The following MYLK4 variants were observed in gnomAD, a reference collection of about 807,000 sequenced individuals.
The protein encoded by MYLK4 is myosin light chain kinase family member 4.
In MYLK4, 46 loss-of-function variants were observed where a neutral mutation model predicts 48.1. The ratio of observed to expected loss-of-function variants is 0.96; its 90% CI spans 0.75 to 1.22. The LOEUF is 1.22. MYLK4 is among the 50% of genes most tolerant of loss of function. MYLK4 has a pLI of 0.00. For synonymous variants in MYLK4, 170 were observed against 180.8 expected (o/e 0.94, Z 0.48); for missense variants, 451 against 486.1 (o/e 0.93, Z 0.68).
At chr6:2,684,497 C>T (rs1024017522) in intron 6 of MYLK4, among the ~76,000 whole-genome samples, 15 of 152,252 alleles carry the variant, frequency 9.9e-5, no homozygotes, top group African/African-American at 2.2e-4. Context: ...AAAAACAAAA[C>T]GGAATCACAA....
intron 2 of MYLK4, among the ~76,000 whole-genome samples, chr6:2,746,908 C>T (rs905150735): frequency 3.9e-5 from 6 of 152,220 alleles, no homozygotes; most frequent in Non-Finnish European, 4.4e-5. Context: ...TGCTGGCTGC[C>T]CTGGCACCCA....
intron 2 of MYLK4, among the ~76,000 whole-genome samples, chr6:2,721,671 A>G (rs7451089): frequency 0.23 from 34,337 of 152,042 alleles, 4,692 homozygotes; most frequent in African/African-American, 0.38. Context: ...TACCAACCTA[A>G]AGTGGTTTTG....
chr6:2,694,110 T>A (rs944550864), intron 2 of MYLK4, among the ~76,000 whole-genome samples: 1 of 152,160 alleles, frequency 6.6e-6, no homozygotes, highest in Non-Finnish European at 1.5e-5. Flanking sequence ...TTCAGAGTAT[T>A]TCCGTTTTTT....
intron 2 of MYLK4, among the ~76,000 whole-genome samples, chr6:2,694,301 T>G (rs1450555401): frequency 6.6e-6 from 1 of 151,624 alleles, no homozygotes. Context: ...CCCTCCTCTG[T>G]GCTTGCACAG....
intron 2 of MYLK4, among the ~76,000 whole-genome samples, chr6:2,695,168 G>A (rs1206382823): frequency 6.6e-6 from 1 of 152,210 alleles, no homozygotes; most frequent in Non-Finnish European, 1.5e-5. Context: ...AACAAATTGT[G>A]TTTAAGGTGT....
intron 2 of MYLK4, among the ~76,000 whole-genome samples, chr6:2,712,792 G>C (rs959739918): frequency 2.0e-5 from 3 of 152,156 alleles, no homozygotes; most frequent in African/African-American, 7.2e-5. Context: ...ACTCAACAGA[G>C]TACCTTGCTT....
chr6:2,705,884 A>T (rs1438821483), intron 2 of MYLK4, among the ~76,000 whole-genome samples: 1 of 150,716 alleles, frequency 6.6e-6, no homozygotes, highest in African/African-American at 2.4e-5. Flanking sequence ...GAAAGGGAAA[A>T]TTTCTCAAAT....
the MYLK4 span, chr6:2,765,937 C>A: frequency 6.9e-7 from 1 of 1,443,292 alleles, no homozygotes; most frequent in Middle Eastern, 2.4e-4. Context: ...GCGGCGAGAC[C>A]GAGAGCCGCG....
At chr6:2,669,216 A>T (rs1760784194) in intron 12 of MYLK4, among the ~76,000 whole-genome samples, 1 of 152,250 alleles carries the variant, frequency 6.6e-6, no homozygotes, top group Non-Finnish European at 1.5e-5. Flanking sequence ...AAAGGAAGGC[A>T]GCCAGCTCCA....
chr6:2,746,668 T>G (rs1473481435), intron 2 of MYLK4, among the ~76,000 whole-genome samples: 1 of 152,192 alleles, frequency 6.6e-6, no homozygotes, highest in African/African-American at 2.4e-5. Flanking sequence ...GTTTCTACTA[T>G]GATTAGCCGT....
intron 2 of MYLK4, among the ~76,000 whole-genome samples, chr6:2,699,287 C>CTTTTCTTTTT (rs1193027641): frequency 2.6e-5 from 2 of 77,890 alleles, no homozygotes; most frequent in African/African-American, 5.5e-5. Context: ...CTTTTCTTTT[C>CTTTTCTTTTT]TTTTTTTTTT....
chr6:2,765,377 C>G, the MYLK4 span: 4 of 343,110 alleles, frequency 1.2e-5, no homozygotes, highest in African/African-American at 6.5e-5. Flanking sequence ...GCCGCCGGGG[C>G]AAACGGCCAC....
At position 2,678,348 on chromosome 6, in the gene MYLK4, C is replaced by CT; in HGVS notation, c.911_912insA (p.Asp306Ter). ...TCAGCGTCTCAGCATCATTGTCACC[C>CT]AGGAAAGGCGACAAACCGCTAAGTC... On this transcript the variant is annotated frameshift_variant, in exon 10 of 13. Coordinates refer to ENST00000274643, the MANE Select transcript of MYLK4 (RefSeq NM_001012418.5). LOFTEE classifies it high-confidence loss of function. 2.5e-6 allele frequency: 4 copies of CT among 1,613,966 alleles called. No homozygotes were observed. Among genetic ancestry groups the CT allele is most frequent in the Non-Finnish European group, 3.4e-6 (4 of 1,180,016 alleles).
intron 2 of MYLK4, among the ~76,000 whole-genome samples, chr6:2,717,744 T>C (rs994976533): frequency 6.6e-6 from 1 of 152,182 alleles, no homozygotes; most frequent in African/African-American, 2.4e-5. Flanking sequence ...TTCCTGATAA[T>C]AGTTCAGGAT....
At chr6:2,695,609 A>G (rs569960460) in intron 2 of MYLK4, among the ~76,000 whole-genome samples, 2 of 152,338 alleles carry the variant, frequency 1.3e-5, no homozygotes, top group East Asian at 3.9e-4. Flanking sequence ...GCCTTTATTC[A>G]TTGCCAAAGG....
chr6:2,695,061 G>A lies in MYLK4; in HGVS notation c.160-2202C>T, dbSNP rs141143374. Reference sequence around the variant, plus strand: ...CAGAGTGAAGAGATAAATATTTGTCGAAAGATTACAATTAACATGGAAGAG... The same window carrying A: ...CAGAGTGAAGAGATAAATATTTGTCAAAAGATTACAATTAACATGGAAGAG... On this transcript the variant is annotated intron_variant, in intron 2 of 12. Coordinates refer to ENST00000274643, the MANE Select transcript of MYLK4 (RefSeq NM_001012418.5). Among the ~76,000 whole-genome samples the A allele has an allele frequency of 5.3e-3, 801 of 152,236 alleles. 7 individuals are homozygous for A. Among genetic ancestry groups the A allele is most frequent in the African/African-American group, 0.018 (752 of 41,538 alleles).
At chr6:2,768,585 A>G in the MYLK4 span, 17 of 902,864 alleles carry the variant, frequency 1.9e-5, no homozygotes, top group East Asian at 3.3e-4. Context: ...TTCCGAGGTC[A>G]AGTTGCTTTT....
intron 3 of MYLK4, 139 bp downstream of exon 3, chr6:2,692,645 G>GT (rs779932547): frequency 4.5e-6 from 2 of 447,422 alleles, no homozygotes; most frequent in South Asian, 3.2e-5. Context: ...AAAAAAAAGG[G>GT]GGGGGGGGGC....
chr6:2,690,113 T>G (rs887777027), intron 3 of MYLK4, among the ~76,000 whole-genome samples: 1 of 152,180 alleles, frequency 6.6e-6, no homozygotes, highest in African/African-American at 2.4e-5. Flanking sequence ...TTAAAAAGCC[T>G]TAAAAGGCCC....
Sources: gnomAD v4.1 joint callset for allele counts (sites outside exome capture counted in the v4.1 genomes callset) on GRCh38, gnomAD v4.1.1 for gene constraint, MANE v1.5 for transcripts, NCBI Gene and HGNC (gene_info 2026-07-23, HGNC 2026-07-21) for gene names.